Variants in ESRRG observed in about 807,000 individuals in gnomAD.
ESRRG encodes the protein estrogen-related receptor gamma.
A neutral mutation model predicts 44.0 loss-of-function variants in ESRRG; 13 were observed. The ratio of observed to expected loss-of-function variants is 0.30; its 90% CI spans 0.19 to 0.47. The LOEUF (loss-of-function observed/expected upper bound fraction) is 0.47. Among genes scored for constraint, ESRRG ranks in the 20% least tolerant of loss-of-function variants. The pLI, the probability that ESRRG is intolerant of heterozygous loss-of-function variation, is 1.00. For synonymous variants in ESRRG, 215 were observed against 214.6 expected, an observed-to-expected ratio of 1.00 and a Z score of -0.02; for missense variants, 395 against 580.6, an observed-to-expected ratio of 0.68 and a Z score of 3.29.
At chr1:216,876,766 C>G (rs768558638) in intron 2 of ESRRG, among the ~76,000 whole-genome samples, 1 of 151,850 alleles carries the variant, frequency 6.6e-6, no homozygotes, top group African/African-American at 2.4e-5. Context: ...TAACCAGCAC[C>G]GTGTCATAAG....
intron 3 of ESRRG, among the ~76,000 whole-genome samples, chr1:216,571,981 C>A (rs2060890150): frequency 6.6e-6 from 1 of 152,124 alleles, no homozygotes; most frequent in Non-Finnish European, 1.5e-5. Flanking sequence ...ATCATAAGAA[C>A]TGATACTCGT....
chr1:217,036,935 C>A (rs2151084259), intron 1 of ESRRG, among the ~76,000 whole-genome samples: 1 of 152,228 alleles, frequency 6.6e-6, no homozygotes, highest in Middle Eastern at 3.4e-3. Flanking sequence ...CTTTTTAGCT[C>A]TCCTCAGTCA....
At chr1:216,983,087 T>C (rs918767944) in intron 1 of ESRRG, among the ~76,000 whole-genome samples, 2 of 148,186 alleles carry the variant, frequency 1.3e-5, no homozygotes, top group African/African-American at 4.9e-5. Context: ...ATCTGTAAAG[T>C]GGGAATGCTA....
At chr1:216,742,125 C>G (rs1343369406) in intron 2 of ESRRG, among the ~76,000 whole-genome samples, 1 of 152,182 alleles carries the variant, frequency 6.6e-6, no homozygotes, top group Non-Finnish European at 1.5e-5. Context: ...CTTCACAGAG[C>G]CTGGGTATCA....
intron 1 of ESRRG, among the ~76,000 whole-genome samples, chr1:217,131,757 A>C (rs2092969977): frequency 6.6e-6 from 1 of 152,222 alleles, no homozygotes; most frequent in African/African-American, 2.4e-5. Context: ...CTTAAGGGGA[A>C]AAATTTGAGT....
chr1:216,857,054 G>C (rs2149051652), intron 2 of ESRRG, among the ~76,000 whole-genome samples: 1 of 152,014 alleles, frequency 6.6e-6, no homozygotes, highest in South Asian at 2.1e-4. Flanking sequence ...ACAAATTCAG[G>C]CTGCATTACA....
chr1:216,943,766 A>T (rs114660782), intron 1 of ESRRG, among the ~76,000 whole-genome samples: 3,154 of 152,288 alleles, frequency 0.021, 88 homozygotes, highest in African/African-American at 0.065. Flanking sequence ...AAAGATAAAC[A>T]GAAGAAATTC....
chr1:216,524,139 T>C (rs2046923226), intron 5 of ESRRG, among the ~76,000 whole-genome samples: 1 of 149,916 alleles, frequency 6.7e-6, no homozygotes, highest in African/African-American at 2.5e-5. Context: ...CCAGATGTTC[T>C]TTTCACATAT....
intron 3 of ESRRG, among the ~76,000 whole-genome samples, chr1:216,601,280 G>T (rs1008147325): frequency 2.0e-5 from 3 of 151,990 alleles, no homozygotes; most frequent in East Asian, 3.9e-4. Context: ...CCTCCCAGGG[G>T]CTCCCTCCGC....
At chr1:216,984,842 C>G (rs2074602879) in intron 1 of ESRRG, among the ~76,000 whole-genome samples, 1 of 152,186 alleles carries the variant, frequency 6.6e-6, no homozygotes, top group South Asian at 2.1e-4. Context: ...GGTCCATAAA[C>G]CAGTGAATGA....
At chr1:216,559,446 T>C (rs2058272023) in intron 5 of ESRRG, among the ~76,000 whole-genome samples, 1 of 152,240 alleles carries the variant, frequency 6.6e-6, no homozygotes, top group Non-Finnish European at 1.5e-5. Flanking sequence ...TTTTGTGCTA[T>C]GCACATTTTT....
At chr1:217,074,429 C>T (rs1278804391) in intron 1 of ESRRG, among the ~76,000 whole-genome samples, 1 of 134,054 alleles carries the variant, frequency 7.5e-6, no homozygotes, top group Non-Finnish European at 1.6e-5. Context: ...TCAATACCCA[C>T]AGTATCAGAA....
intron 5 of ESRRG, among the ~76,000 whole-genome samples, chr1:216,540,610 T>C (rs2052406520): frequency 6.6e-6 from 1 of 152,004 alleles, no homozygotes; most frequent in African/African-American, 2.4e-5. Flanking sequence ...AACATGGCCT[T>C]TAATAACAGT....
chr1:217,049,209 G>GATTTTC (rs1176254813), intron 1 of ESRRG, among the ~76,000 whole-genome samples: 11 of 152,156 alleles, frequency 7.2e-5, no homozygotes, highest in African/African-American at 2.4e-4. Context: ...TCCTGACCAG[G>GATTTTC]ATTTTCATCT....
chr1:217,080,770 C>T (rs1160318776), intron 1 of ESRRG, among the ~76,000 whole-genome samples: 2 of 147,154 alleles, frequency 1.4e-5, no homozygotes, highest in Admixed American at 6.9e-5. Flanking sequence ...CTTCGCCTCC[C>T]GGGTTCACAC....
chr1:216,596,925 A>G (rs1165214403), intron 3 of ESRRG, among the ~76,000 whole-genome samples: 1 of 151,882 alleles, frequency 6.6e-6, no homozygotes, highest in African/African-American at 2.4e-5. Flanking sequence ...TTAAAAATAT[A>G]TATTGGGTTT....
At chr1:217,093,165 G>T (rs1444458654), upstream of ESRRG, among the ~76,000 whole-genome samples, 1 of 152,196 alleles carries the variant, frequency 6.6e-6, no homozygotes, top group Non-Finnish European at 1.5e-5. Context: ...GTAGGCAGGA[G>T]ATATGTGATC....
At chr1:216,857,238 C>A (rs1273119703) in intron 2 of ESRRG, among the ~76,000 whole-genome samples, 1 of 151,944 alleles carries the variant, frequency 6.6e-6, no homozygotes, top group African/African-American at 2.4e-5. Flanking sequence ...GAACATCAAA[C>A]CTAAAAATGA....
chr1:216,541,024 G>A (rs552905049), intron 5 of ESRRG, among the ~76,000 whole-genome samples: 1 of 151,972 alleles, frequency 6.6e-6, no homozygotes, highest in Non-Finnish European at 1.5e-5. Flanking sequence ...ACACTAATAA[G>A]AAAGATATGG....
Sources: allele counts gnomAD v4.1 joint callset (sites outside exome capture counted in the v4.1 genomes callset), GRCh38; gene constraint gnomAD v4.1.1; transcripts MANE v1.5; gene names NCBI Gene and HGNC (gene_info 2026-07-23, HGNC 2026-07-21).